The following ZNF536 variants were observed in gnomAD, a reference collection of about 807,000 sequenced individuals.
The protein encoded by ZNF536 is zinc finger protein 536.
ZNF536 carries 13 observed loss-of-function variants against 84.5 expected under a neutral mutation model. The observed-to-expected ratio is 0.15, with a 90% CI of 0.10 to 0.24. The LOEUF (loss-of-function observed/expected upper bound fraction) is 0.24, where lower values mean the gene tolerates loss of function less well. Ranked by LOEUF, ZNF536 falls within the 10% of genes least tolerant of loss-of-function variation. The pLI, the probability that ZNF536 is intolerant of heterozygous loss-of-function variation, is 1.00. For synonymous variants in ZNF536, 811 were observed against 742.5 expected (o/e 1.09, Z -1.50); for missense variants, 1,536 against 1,747.5 (o/e 0.88, Z 2.16).
intron 1 of ZNF536, among the ~76,000 whole-genome samples, chr19:30,657,624 C>A (rs536086114): frequency 2.5e-4 from 38 of 152,356 alleles, no homozygotes; most frequent in African/African-American, 8.7e-4. Context: ...TCCTTCCTTG[C>A]AGATTTCATG....
At chr19:30,307,243 TC>T (rs895615712) in intron 2 of ZNF536, among the ~76,000 whole-genome samples, 233 of 151,066 alleles carry the variant, frequency 1.5e-3, no homozygotes, top group African/African-American at 4.9e-3. Context: ...CTTAAATACC[TC>T]CCCCCCCTTT....
At chr19:30,338,323 A>T (rs2047451087) in intron 2 of ZNF536, among the ~76,000 whole-genome samples, 1 of 151,466 alleles carries the variant, frequency 6.6e-6, no homozygotes, top group Non-Finnish European at 1.5e-5. Context: ...TATGATGATG[A>T]TGATGACAAT....
At chr19:30,703,155 A>G (rs2052061686) in intron 1 of ZNF536, among the ~76,000 whole-genome samples, 1 of 152,180 alleles carries the variant, frequency 6.6e-6, no homozygotes, top group Admixed American at 6.5e-5. Context: ...CAGAGTCCAG[A>G]TCGAGGAGAC....
chr19:30,325,173 GC>G (rs532596150), intron 2 of ZNF536, among the ~76,000 whole-genome samples: 17 of 152,186 alleles, frequency 1.1e-4, no homozygotes, highest in Non-Finnish European at 1.8e-4. Context: ...GTGCACAGAC[GC>G]CCGTCTAGGT....
At chr19:30,252,955 A>C (rs2145115246) in intron 1 of ZNF536, among the ~76,000 whole-genome samples, 2 of 152,350 alleles carry the variant, frequency 1.3e-5, no homozygotes, top group South Asian at 4.1e-4. Flanking sequence ...GCTTTAAAGA[A>C]GGTAGAGAAT....
chr19:30,677,642 C>T (rs2050800621), intron 1 of ZNF536, among the ~76,000 whole-genome samples: 1 of 152,252 alleles, frequency 6.6e-6, no homozygotes, highest in Admixed American at 6.5e-5. Context: ...CTGCATGCTG[C>T]AGATACAGAT....
intron 2 of ZNF536, among the ~76,000 whole-genome samples, chr19:30,446,443 A>G (rs796302607): frequency 1.3e-5 from 2 of 152,094 alleles, no homozygotes; most frequent in African/African-American, 2.4e-5. Flanking sequence ...ATTCTGCTCT[A>G]TCCCTGGGTA....
intron 1 of ZNF536, among the ~76,000 whole-genome samples, chr19:30,257,497 T>C (rs2024973402): frequency 6.6e-6 from 1 of 152,224 alleles, no homozygotes; most frequent in Non-Finnish European, 1.5e-5. Context: ...AGTTTTAGCT[T>C]AATAACCATT....
At chr19:30,693,514 G>T (rs1017551968) in intron 1 of ZNF536, among the ~76,000 whole-genome samples, 2 of 152,012 alleles carry the variant, frequency 1.3e-5, no homozygotes, top group African/African-American at 4.8e-5. Flanking sequence ...TGACACCTTT[G>T]ATTTTAGAGA....
At chr19:30,367,904 C>T (rs556319089), upstream of ZNF536, among the ~76,000 whole-genome samples, 139 of 152,282 alleles carry the variant, frequency 9.1e-4, no homozygotes, top group Non-Finnish European at 6.0e-4. Context: ...CTTCCCATGT[C>T]GGTTTTGCTG....
intron 1 of ZNF536, among the ~76,000 whole-genome samples, chr19:30,602,009 C>T (rs553285740): frequency 1.4e-4 from 22 of 152,362 alleles, no homozygotes; most frequent in Non-Finnish European, 3.1e-4. Flanking sequence ...CCACTCATTC[C>T]CAACTTGCCT....
chr19:30,452,583 G>A (rs1041947240), intron 2 of ZNF536, among the ~76,000 whole-genome samples: 1 of 152,186 alleles, frequency 6.6e-6, no homozygotes, highest in Non-Finnish European at 1.5e-5. Flanking sequence ...TGGAGACAGT[G>A]AATTTCATGG....
intron 1 of ZNF536, among the ~76,000 whole-genome samples, chr19:30,663,761 A>C (rs527844657): frequency 6.6e-6 from 1 of 152,340 alleles, no homozygotes; most frequent in African/African-American, 2.4e-5. Context: ...AATTAACATT[A>C]ATGTATGCTT....
chr19:30,334,850 G>A (rs1301757748), intron 2 of ZNF536, among the ~76,000 whole-genome samples: 1 of 152,220 alleles, frequency 6.6e-6, no homozygotes, highest in Non-Finnish European at 1.5e-5. Flanking sequence ...TCAAGCATTA[G>A]ATTCTCATAA....
chr19:30,306,133 T>G (rs933355667), intron 2 of ZNF536, among the ~76,000 whole-genome samples: 1 of 152,226 alleles, frequency 6.6e-6, no homozygotes, highest in Non-Finnish European at 1.5e-5. Flanking sequence ...CCTTTTTTTT[T>G]CAAAAGGTCA....
intron 1 of ZNF536, among the ~76,000 whole-genome samples, chr19:30,610,408 C>T (rs2048064060): frequency 1.3e-5 from 2 of 152,212 alleles, no homozygotes; most frequent in Middle Eastern, 3.4e-3. Flanking sequence ...TTCAGATCCC[C>T]CTTGGTGGCC....
At chr19:30,313,215 C>A (rs565040799) in intron 2 of ZNF536, among the ~76,000 whole-genome samples, 2 of 152,208 alleles carry the variant, frequency 1.3e-5, no homozygotes, top group Non-Finnish European at 2.9e-5. Context: ...GCCCAGATAG[C>A]GGGGTGGAGG....
intron 1 of ZNF536, among the ~76,000 whole-genome samples, chr19:30,235,930 G>A (rs1161637112): frequency 6.6e-6 from 1 of 152,206 alleles, no homozygotes; most frequent in East Asian, 1.9e-4. Flanking sequence ...AGCGTCTCAC[G>A]GATAGAACAT....
At chr19:30,442,542 C>T (rs1568431431) in intron 1 of ZNF536, among the ~76,000 whole-genome samples, 1 of 152,100 alleles carries the variant, frequency 6.6e-6, no homozygotes, top group Admixed American at 6.5e-5. Context: ...TCTTTAAACC[C>T]AATCAAAGTC....
Sources: allele counts gnomAD v4.1 joint callset (sites outside exome capture counted in the v4.1 genomes callset), GRCh38; gene constraint gnomAD v4.1.1; transcripts MANE v1.5; gene names NCBI Gene and HGNC (gene_info 2026-07-23, HGNC 2026-07-21).